The following CTNND2 variants were observed in gnomAD, a reference collection of about 807,000 sequenced individuals.
The protein encoded by CTNND2 is catenin delta 2, also known as catenin delta-2.
In CTNND2, 22 loss-of-function variants were observed where a neutral mutation model predicts 144.4. The observed-to-expected ratio is 0.15, with a 90% CI of 0.11 to 0.22. CTNND2 has a LOEUF of 0.22. Ranked by LOEUF, CTNND2 falls within the 10% of genes least tolerant of loss-of-function variation. CTNND2 has a pLI of 1.00. For missense variants in CTNND2, 1,353 were observed against 1,618.8 expected (o/e 0.84, Z 2.82); for synonymous variants, 751 against 695.6 (o/e 1.08, Z -1.25).
intron 1 of CTNND2, 124 bp from the exon 2 acceptor site, chr5:11,732,396 A>T (rs1385171748): frequency 1.2e-6 from 1 of 826,172 alleles, no homozygotes; most frequent in East Asian, 2.6e-5. Flanking sequence ...AGAAAGACCA[A>T]GACATAATTA....
intron 12 of CTNND2, among the ~76,000 whole-genome samples, chr5:11,146,214 A>G (rs899583611): frequency 3.9e-5 from 6 of 152,226 alleles, no homozygotes; most frequent in African/African-American, 1.4e-4. Flanking sequence ...GAAATTCAAG[A>G]TATGTTTGTG....
chr5:11,604,421 A>G (rs1779951961), intron 2 of CTNND2, among the ~76,000 whole-genome samples: 1 of 152,218 alleles, frequency 6.6e-6, no homozygotes, highest in African/African-American at 2.4e-5. Context: ...GATCTCTTTC[A>G]AAGATGAGGG....
chr5:11,032,102 A>T (rs965178150), intron 16 of CTNND2, among the ~76,000 whole-genome samples: 1 of 152,232 alleles, frequency 6.6e-6, no homozygotes, highest in African/African-American at 2.4e-5. Flanking sequence ...TAATAGACAG[A>T]TTCTGCCAAT....
chr5:11,015,149 AT>A (rs372912462), intron 18 of CTNND2, among the ~76,000 whole-genome samples: 84 of 152,340 alleles, frequency 5.5e-4, no homozygotes, highest in African/African-American at 1.9e-3. Flanking sequence ...TGGATCAGAC[AT>A]TTTTTCAATG....
intron 1 of CTNND2, among the ~76,000 whole-genome samples, chr5:11,802,155 C>T: frequency 6.6e-6 from 1 of 152,066 alleles, no homozygotes. Context: ...GCCTGTAATC[C>T]CAGCTACTCA....
chr5:11,480,802 T>C (rs1180630890), intron 3 of CTNND2, among the ~76,000 whole-genome samples: 1 of 152,050 alleles, frequency 6.6e-6, no homozygotes, highest in Non-Finnish European at 1.5e-5. Context: ...TCAGGTGAGC[T>C]GCACATGCTG....
chr5:11,184,172 T>G (rs537793889), intron 11 of CTNND2, among the ~76,000 whole-genome samples: 11 of 152,312 alleles, frequency 7.2e-5, no homozygotes, highest in Admixed American at 2.0e-4. Flanking sequence ...AGGGGAATAA[T>G]TTTTAAGAAT....
At chr5:11,595,909 A>G (rs1779479842) in intron 2 of CTNND2, among the ~76,000 whole-genome samples, 1 of 152,240 alleles carries the variant, frequency 6.6e-6, no homozygotes, top group Non-Finnish European at 1.5e-5. Flanking sequence ...ACTGCCTCCT[A>G]AAATGCCACA....
At chr5:11,693,834 T>C (rs546437828) in intron 2 of CTNND2, among the ~76,000 whole-genome samples, 1 of 152,360 alleles carries the variant, frequency 6.6e-6, no homozygotes, top group East Asian at 1.9e-4. Context: ...TACTGAGCTA[T>C]CGCTCCTAGG....
intron 3 of CTNND2, among the ~76,000 whole-genome samples, chr5:11,453,960 C>T (rs1437785544): frequency 6.6e-6 from 1 of 152,116 alleles, no homozygotes; most frequent in Non-Finnish European, 1.5e-5. Flanking sequence ...TACAGAAATA[C>T]AAATTTATTC....
intron 9 of CTNND2, among the ~76,000 whole-genome samples, chr5:11,277,730 C>A (rs1320329123): frequency 1.3e-5 from 2 of 151,980 alleles, no homozygotes; most frequent in Non-Finnish European, 1.5e-5. Flanking sequence ...CAGGATTTCA[C>A]CATGTTGGCC....
At chr5:11,050,619 A>G (rs573245247) in intron 16 of CTNND2, among the ~76,000 whole-genome samples, 1 of 152,336 alleles carries the variant, frequency 6.6e-6, no homozygotes, top group South Asian at 2.1e-4. Flanking sequence ...ATAAAAACAG[A>G]ACTTTGACCC....
chr5:11,587,772 A>T (rs1010691525), intron 2 of CTNND2, among the ~76,000 whole-genome samples: 12 of 152,144 alleles, frequency 7.9e-5, no homozygotes, highest in Non-Finnish European at 1.2e-4. Context: ...TCTCTCAGGC[A>T]TTCCATTTTA....
intron 2 of CTNND2, among the ~76,000 whole-genome samples, chr5:11,618,699 T>C (rs566279353): frequency 1.6e-4 from 24 of 152,232 alleles, no homozygotes; most frequent in Non-Finnish European, 3.2e-4. Context: ...TTACCATAAA[T>C]TGATTTTTTT....
At chr5:11,875,691 G>A (rs1033634481) in intron 1 of CTNND2, among the ~76,000 whole-genome samples, 1 of 152,174 alleles carries the variant, frequency 6.6e-6, no homozygotes, top group African/African-American at 2.4e-5. Flanking sequence ...AACCCTGCTG[G>A]CAGTCTGATT....
intron 9 of CTNND2, among the ~76,000 whole-genome samples, chr5:11,316,304 C>A (rs976189268): frequency 1.4e-4 from 21 of 152,086 alleles, no homozygotes; most frequent in South Asian, 8.3e-4. Context: ...TGGCTCACTG[C>A]AACCTCTGCC....
intron 9 of CTNND2, among the ~76,000 whole-genome samples, chr5:11,333,841 C>T (rs1753454492): frequency 6.6e-6 from 1 of 152,116 alleles, no homozygotes; most frequent in African/African-American, 2.4e-5. Flanking sequence ...GCTCCCTTAC[C>T]TTCAGAAGCC....
intron 9 of CTNND2, among the ~76,000 whole-genome samples, chr5:11,289,898 C>G (rs748643082): frequency 1.3e-5 from 2 of 152,164 alleles, no homozygotes; most frequent in Non-Finnish European, 2.9e-5. Flanking sequence ...CCCATGAGCT[C>G]GGCTGGGGCA....
chr5:11,783,511 G>A (rs1790662577), intron 1 of CTNND2, among the ~76,000 whole-genome samples: 1 of 152,100 alleles, frequency 6.6e-6, no homozygotes, highest in South Asian at 2.1e-4. Flanking sequence ...CTAGGCCACA[G>A]CCGTAAGCCA....
Sources: allele counts gnomAD v4.1 joint callset (sites outside exome capture counted in the v4.1 genomes callset), GRCh38; gene constraint gnomAD v4.1.1; transcripts MANE v1.5; gene names NCBI Gene and HGNC (gene_info 2026-07-23, HGNC 2026-07-21).